GPHN: variants seen among roughly 807,000 people sequenced by gnomAD.
GPHN encodes the protein gephyrin.
A neutral mutation model predicts 95.5 loss-of-function variants in GPHN; 17 were observed. The observed-to-expected ratio is 0.18, with a 90% CI of 0.12 to 0.27. The LOEUF (loss-of-function observed/expected upper bound fraction) is 0.27, where lower values mean the gene tolerates loss of function less well. Ranked by LOEUF, GPHN falls within the 10% of genes least tolerant of loss-of-function variation. The pLI is 1.00. For synonymous variants in GPHN, 320 were observed against 322.5 expected, an observed-to-expected ratio of 0.99 and a Z score of 0.08; for missense variants, 660 against 978.1, an observed-to-expected ratio of 0.67 and a Z score of 4.34.
intron 6 of GPHN, among the ~76,000 whole-genome samples, chr14:66,919,781 A>G (rs1714787586): frequency 6.6e-6 from 1 of 151,996 alleles, no homozygotes; most frequent in South Asian, 2.1e-4. Flanking sequence ...GATTAAGTAG[A>G]TTTGGCCAGG....
intron 1 of GPHN, among the ~76,000 whole-genome samples, chr14:66,562,313 A>G (rs970546765): frequency 6.6e-6 from 1 of 152,182 alleles, no homozygotes; most frequent in Non-Finnish European, 1.5e-5. Flanking sequence ...TTCAGACAGT[A>G]GGTCTTAAAT....
chr14:66,811,802 T>G (rs1319935116), intron 3 of GPHN, among the ~76,000 whole-genome samples: 1 of 152,240 alleles, frequency 6.6e-6, no homozygotes, highest in Admixed American at 6.5e-5. Flanking sequence ...TAAGCTACTT[T>G]GAGAATAAGC....
At chr14:66,553,470 T>A (rs2059896380) in intron 1 of GPHN, among the ~76,000 whole-genome samples, 1 of 152,234 alleles carries the variant, frequency 6.6e-6, no homozygotes, top group Admixed American at 6.5e-5. Context: ...TTCAGCCTTT[T>A]ATCTCTCTGT....
At chr14:67,144,049 G>A (rs1219535420) in intron 18 of GPHN, among the ~76,000 whole-genome samples, 2 of 150,322 alleles carry the variant, frequency 1.3e-5, no homozygotes, top group Non-Finnish European at 1.5e-5. Context: ...CCACCTGGGC[G>A]ACGTGGTGAA....
chr14:67,313,828 CTGTTA>C, the GPHN span, among the ~76,000 whole-genome samples: 1 of 151,922 alleles, frequency 6.6e-6, no homozygotes, highest in Admixed American at 6.6e-5. Context: ...GATATTGTCT[CTGTTA>C]TAATTCTTTC....
chr14:66,674,670 C>T (rs1361451965), intron 1 of GPHN, among the ~76,000 whole-genome samples: 1 of 152,138 alleles, frequency 6.6e-6, no homozygotes, highest in African/African-American at 2.4e-5. Context: ...GACTGAATAG[C>T]AATCAATTAT....
intron 11 of GPHN, among the ~76,000 whole-genome samples, chr14:67,082,544 T>C (rs1243415202): frequency 6.6e-6 from 1 of 152,162 alleles, no homozygotes; most frequent in East Asian, 1.9e-4. Context: ...CTTCATAATA[T>C]GTTTTGAAAT....
intron 4 of GPHN, among the ~76,000 whole-genome samples, chr14:66,851,784 T>C (rs954864582): frequency 1.3e-5 from 2 of 152,252 alleles, no homozygotes; most frequent in South Asian, 4.2e-4. Context: ...GGGGAAAATA[T>C]AATGAGACTT....
chr14:66,837,422 C>T (rs1419520826), intron 4 of GPHN, among the ~76,000 whole-genome samples: 5 of 117,036 alleles, frequency 4.3e-5, no homozygotes, highest in South Asian at 2.7e-4. Flanking sequence ...GGAAGGGGAA[C>T]ATCACACTCT....
At chr14:67,035,899 T>C (rs2074397422) in intron 10 of GPHN, among the ~76,000 whole-genome samples, 1 of 151,610 alleles carries the variant, frequency 6.6e-6, no homozygotes, top group Non-Finnish European at 1.5e-5. Flanking sequence ...ACTTCCAAAA[T>C]AAATTTATTA....
the GPHN span, chr14:67,588,437 G>A: frequency 6.6e-6 from 1 of 152,416 alleles, no homozygotes; most frequent in African/African-American, 2.4e-5. Flanking sequence ...GAATTAGTTT[G>A]AGGGTGAGGG....
chr14:67,068,946 T>G (rs1469494204), intron 11 of GPHN, among the ~76,000 whole-genome samples: 1 of 152,086 alleles, frequency 6.6e-6, no homozygotes, highest in African/African-American at 2.4e-5. Flanking sequence ...TAGGAAGTCC[T>G]CACCAAGGTC....
chr14:66,865,140 G>C (rs2063177853), intron 4 of GPHN, among the ~76,000 whole-genome samples: 1 of 151,990 alleles, frequency 6.6e-6, no homozygotes, highest in South Asian at 2.1e-4. Context: ...AGGGGACTAA[G>C]TATAAAAAGT....
the GPHN span, chr14:67,333,175 C>T: frequency 1.5e-5 from 6 of 387,832 alleles, no homozygotes; most frequent in African/African-American, 8.3e-5. Flanking sequence ...CGGTTCTTGC[C>T]TCATTTTGGG....
At chr14:67,031,392 G>T (rs2074189446) in intron 10 of GPHN, among the ~76,000 whole-genome samples, 1 of 151,960 alleles carries the variant, frequency 6.6e-6, no homozygotes, top group Admixed American at 6.6e-5. Flanking sequence ...ATCTTGATTG[G>T]CATTCACTGG....
chr14:67,243,799 A>G, the GPHN span, among the ~76,000 whole-genome samples: 58 of 152,116 alleles, frequency 3.8e-4, no homozygotes, highest in African/African-American at 1.3e-3. Flanking sequence ...CCCAGCCCTT[A>G]TGATTTTTGA....
chr14:67,347,662 G>A, the GPHN span, among the ~76,000 whole-genome samples: 5 of 151,920 alleles, frequency 3.3e-5, no homozygotes, highest in East Asian at 5.8e-4. Context: ...CACCACACCC[G>A]GCTAATTTTG....
At chr14:67,405,224 C>CAAAAAAA in the GPHN span, among the ~76,000 whole-genome samples, 1 of 40,482 alleles carries the variant, frequency 2.5e-5, no homozygotes, top group Non-Finnish European at 5.4e-5. Context: ...GAGTCCATCT[C>CAAAAAAA]AAAAAAAAAA....
chr14:66,913,774 A>G (rs949020944), intron 5 of GPHN, among the ~76,000 whole-genome samples: 11 of 152,200 alleles, frequency 7.2e-5, no homozygotes, highest in African/African-American at 2.7e-4. Flanking sequence ...CATTTATTCC[A>G]TAATACTTAG....
Sources: allele counts gnomAD v4.1 joint callset (sites outside exome capture counted in the v4.1 genomes callset), GRCh38; gene constraint gnomAD v4.1.1; transcripts MANE v1.5; gene names NCBI Gene and HGNC (gene_info 2026-07-23, HGNC 2026-07-21).